CDH13: variants seen among roughly 807,000 people sequenced by gnomAD.
The protein encoded by CDH13 is cadherin 13.
Under a neutral mutation model 63.8 loss-of-function variants are expected in CDH13, and 24 were observed. The observed-to-expected ratio is 0.38, with a 90% CI of 0.27 to 0.53. The LOEUF (loss-of-function observed/expected upper bound fraction) is 0.53, where lower values mean the gene tolerates loss of function less well. Among genes scored for constraint, CDH13 ranks in the 20% least tolerant of loss-of-function variants. CDH13 has a pLI of 0.85. For synonymous variants in CDH13, 503 were observed against 355.3 expected (o/e 1.42, Z -4.67); for missense variants, 1,049 against 903.1 (o/e 1.16, Z -2.07).
chr16:82,941,351 G>A (rs1332052721), intron 2 of CDH13, among the ~76,000 whole-genome samples: 1 of 152,152 alleles, frequency 6.6e-6, no homozygotes, highest in Admixed American at 6.6e-5. Context: ...CCTGTTCTGT[G>A]CCTTGAGAAT....
intron 3 of CDH13, among the ~76,000 whole-genome samples, chr16:83,045,664 G>C (rs1052794143): frequency 2.8e-5 from 4 of 141,942 alleles, no homozygotes; most frequent in Non-Finnish European, 6.1e-5. Context: ...AAAAAAGATG[G>C]GTCTGCATTT....
rs1912743497 is a variant in CDH13, at chr16:83,655,040, A to C, written c.1102-15750A>C. The C allele has an allele frequency of 1.3e-5, 2 of 152,262 alleles. 1 individual carries two copies. Among genetic ancestry groups the C allele is most frequent in the South Asian group, 4.1e-4 (2 of 4,830 alleles). The allele number at this position is 152,262 out of a possible 1,614,324, so 9.4% of individuals were successfully genotyped here. On this transcript the variant is annotated intron_variant, in intron 8 of 13. Coordinates refer to ENST00000567109, the MANE Select transcript of CDH13 (RefSeq NM_001257.5). ...GTAGGCAGCATGCTTTCCAGTTTTGAAGGCAAGGACGGAGGCATACAAGGC... is the reference window on the plus strand; with the variant it reads ...GTAGGCAGCATGCTTTCCAGTTTTGCAGGCAAGGACGGAGGCATACAAGGC...
chr16:82,955,327 C>A (rs11150524), intron 2 of CDH13, among the ~76,000 whole-genome samples: 1 of 152,076 alleles, frequency 6.6e-6, no homozygotes, highest in South Asian at 2.1e-4. Context: ...TCCAGAATTC[C>A]TAAAACATTC....
chr16:83,352,825 G>A (rs2090982565), intron 6 of CDH13, among the ~76,000 whole-genome samples: 1 of 152,178 alleles, frequency 6.6e-6, no homozygotes, highest in Non-Finnish European at 1.5e-5. Flanking sequence ...GGGAGGCGGA[G>A]TGTACAGTGA....
chr16:82,846,066 C>A (rs556182707), intron 1 of CDH13, among the ~76,000 whole-genome samples: 1 of 152,136 alleles, frequency 6.6e-6, no homozygotes, highest in Non-Finnish European at 1.5e-5. Context: ...GACAAAACAC[C>A]TTCAAATAAT....
At chr16:83,556,102 C>G (rs1310419687) in intron 7 of CDH13, among the ~76,000 whole-genome samples, 1 of 151,854 alleles carries the variant, frequency 6.6e-6, no homozygotes, top group East Asian at 1.9e-4. Flanking sequence ...CGTGTAGGCA[C>G]AGTATAAAAG....
chr16:83,219,524 C>T (rs937626718), intron 5 of CDH13, among the ~76,000 whole-genome samples: 3 of 152,204 alleles, frequency 2.0e-5, no homozygotes, highest in African/African-American at 4.8e-5. Context: ...ACATATGAAG[C>T]ATTTAGAAAA....
At chr16:83,318,910 C>G (rs1352908019) in intron 5 of CDH13, among the ~76,000 whole-genome samples, 3 of 151,918 alleles carry the variant, frequency 2.0e-5, no homozygotes, top group South Asian at 2.1e-4. Flanking sequence ...GACCTTGTCC[C>G]TACCTCTGGA....
intron 10 of CDH13, among the ~76,000 whole-genome samples, chr16:83,726,575 C>T (rs1467433065): frequency 1.3e-5 from 2 of 152,176 alleles, no homozygotes; most frequent in African/African-American, 4.8e-5. Flanking sequence ...GTGGCTCACG[C>T]CTGTAATCCC....
chr16:82,689,129 C>T (rs1915378248), intron 1 of CDH13: 1 of 151,504 alleles, frequency 6.6e-6, no homozygotes, highest in Non-Finnish European at 1.5e-5. Flanking sequence ...AACACACTTA[C>T]TCAGGTTTAT....
chr16:82,944,827 C>A (rs1027426012), intron 2 of CDH13, among the ~76,000 whole-genome samples: 1 of 152,122 alleles, frequency 6.6e-6, no homozygotes, highest in African/African-American at 2.4e-5. Flanking sequence ...ACCTATCTAT[C>A]TATTTACAAC....
chr16:83,097,931 G>A (rs2034286740), intron 3 of CDH13, among the ~76,000 whole-genome samples: 1 of 151,930 alleles, frequency 6.6e-6, no homozygotes, highest in African/African-American at 2.4e-5. Context: ...TACCTACTCT[G>A]TACTAGCTTA....
intron 2 of CDH13, among the ~76,000 whole-genome samples, chr16:82,901,621 T>G (rs1382740365): frequency 6.6e-6 from 1 of 152,194 alleles, no homozygotes; most frequent in African/African-American, 2.4e-5. Flanking sequence ...TCAATATATT[T>G]TTCAGTAAGG....
intron 6 of CDH13, among the ~76,000 whole-genome samples, chr16:83,454,211 A>G (rs1474714919): frequency 6.6e-6 from 1 of 152,224 alleles, no homozygotes; most frequent in Non-Finnish European, 1.5e-5. Flanking sequence ...TGTTTATAGA[A>G]AAGATTAACC....
chr16:83,497,806 G>A (rs567578291), intron 7 of CDH13, among the ~76,000 whole-genome samples: 1 of 152,356 alleles, frequency 6.6e-6, no homozygotes, highest in South Asian at 2.1e-4. Flanking sequence ...GATAGGAGCA[G>A]TTTTATGTAC....
intron 3 of CDH13, among the ~76,000 whole-genome samples, chr16:83,062,771 A>G (rs371809615): frequency 6.6e-6 from 1 of 152,182 alleles, no homozygotes; most frequent in East Asian, 1.9e-4. Flanking sequence ...GAATTCCAGC[A>G]GGATTCAGCT....
At chr16:83,676,909 G>T (rs910045756) in intron 9 of CDH13, among the ~76,000 whole-genome samples, 1 of 152,164 alleles carries the variant, frequency 6.6e-6, no homozygotes, top group Non-Finnish European at 1.5e-5. Context: ...CAGCATCAAC[G>T]GTCCTTATCT....
intron 6 of CDH13, among the ~76,000 whole-genome samples, chr16:83,455,401 G>A (rs1028569666): frequency 1.3e-5 from 2 of 152,164 alleles, no homozygotes; most frequent in African/African-American, 4.8e-5. Context: ...GGCTCTGGGG[G>A]ATGAGTCGCA....
chr16:82,818,370 T>C (rs567872894), intron 1 of CDH13, among the ~76,000 whole-genome samples: 17 of 152,228 alleles, frequency 1.1e-4, no homozygotes, highest in African/African-American at 4.1e-4. Context: ...GCTTAAAAGA[T>C]GTTAACAGAA....
Sources: gnomAD v4.1 joint callset for allele counts (sites outside exome capture counted in the v4.1 genomes callset) on GRCh38, gnomAD v4.1.1 for gene constraint, MANE v1.5 for transcripts, NCBI Gene and HGNC (gene_info 2026-07-23, HGNC 2026-07-21) for gene names.